The following TBC1D14 variants were observed in gnomAD, a reference collection of about 807,000 sequenced individuals.
The protein encoded by TBC1D14 is TBC1 domain family, member 14.
In TBC1D14, 26 loss-of-function variants were observed where a neutral mutation model predicts 79.0. That is an observed-to-expected ratio of 0.33 (90% CI 0.24 to 0.46). The LOEUF (loss-of-function observed/expected upper bound fraction) is 0.46, where lower values mean the gene tolerates loss of function less well. Ranked by LOEUF, TBC1D14 falls within the 20% of genes least tolerant of loss-of-function variation. The pLI is 1.00. For synonymous variants in TBC1D14, 394 were observed against 349.9 expected (o/e 1.13, Z -1.40); for missense variants, 769 against 887.6 (o/e 0.87, Z 1.70).
intron 2 of TBC1D14, among the ~76,000 whole-genome samples, chr4:6,951,477 G>T (rs1477468731): frequency 6.6e-6 from 1 of 152,146 alleles, no homozygotes; most frequent in Non-Finnish European, 1.5e-5. Flanking sequence ...TCCAGCCTGG[G>T]CAACATAGTG....
chr4:6,999,297 C>A, intron 6 of TBC1D14, 95 bp downstream of exon 6: 1 of 1,079,240 alleles, frequency 9.3e-7, no homozygotes, highest in Non-Finnish European at 1.4e-6. Context: ...CAGTGACACC[C>A]TGGATGCAGC....
At chr4:6,927,219 G>T (rs1448351613) in intron 2 of TBC1D14, among the ~76,000 whole-genome samples, 2 of 152,132 alleles carry the variant, frequency 1.3e-5, no homozygotes, top group East Asian at 3.9e-4. Context: ...CCCTTATGGC[G>T]CTCATAGTCT....
At chr4:6,992,841 GT>G (rs530846636) in intron 3 of TBC1D14, among the ~76,000 whole-genome samples, 65 of 152,328 alleles carry the variant, frequency 4.3e-4, no homozygotes, top group Admixed American at 1.7e-3. Flanking sequence ...CGTGTTTTCA[GT>G]TTTTGGTAAG....
intron 1 of TBC1D14, among the ~76,000 whole-genome samples, chr4:6,915,012 C>G (rs2108899285): frequency 6.6e-6 from 1 of 152,274 alleles, no homozygotes; most frequent in East Asian, 1.9e-4. Context: ...GCACTCCAGC[C>G]TGGGCGACAG....
At chr4:6,927,025 G>T (rs1004427448) in intron 2 of TBC1D14, among the ~76,000 whole-genome samples, 1 of 152,194 alleles carries the variant, frequency 6.6e-6, no homozygotes. Flanking sequence ...GGAGGGAAGG[G>T]TGGAGACGGG....
intron 8 of TBC1D14, among the ~76,000 whole-genome samples, chr4:7,006,231 C>T (rs1304209210): frequency 6.6e-6 from 1 of 152,002 alleles, no homozygotes; most frequent in East Asian, 1.9e-4. Flanking sequence ...GTTTCTACAT[C>T]TAGTGAGTTT....
intron 12 of TBC1D14, among the ~76,000 whole-genome samples, chr4:7,019,069 CT>C (rs1407492430): frequency 3.3e-5 from 5 of 152,214 alleles, no homozygotes; most frequent in South Asian, 4.1e-4. Flanking sequence ...TTCACCCAGG[CT>C]TGAGTGCAGT....
intron 3 of TBC1D14, chr4:6,987,223 C>T (rs1024803635): frequency 1.6e-6 from 2 of 1,245,358 alleles, no homozygotes; most frequent in Admixed American, 4.3e-5. Context: ...CGCCCCGCCC[C>T]GCGAGTCTGA....
intron 2 of TBC1D14, among the ~76,000 whole-genome samples, chr4:6,931,308 A>T (rs1451632188): frequency 6.6e-6 from 1 of 152,200 alleles, no homozygotes; most frequent in Non-Finnish European, 1.5e-5. Context: ...TTACCTCTCG[A>T]TTGCAGAATG....
chr4:7,028,422 G>GT (rs1262965872), intron 13 of TBC1D14, among the ~76,000 whole-genome samples: 5 of 150,174 alleles, frequency 3.3e-5, no homozygotes, highest in Non-Finnish European at 5.9e-5. Context: ...CGTGCTGTCA[G>GT]TTTTTTGTTT....
At chr4:6,928,858 A>G (rs10937765) in intron 2 of TBC1D14, among the ~76,000 whole-genome samples, 144,890 of 152,244 alleles carry the variant, frequency 0.95, 69,354 homozygotes, top group Middle Eastern at 1. Flanking sequence ...AATGGGGAGG[A>G]AATGTACATA....
chr4:6,927,804 C>T (rs943291157), intron 2 of TBC1D14, among the ~76,000 whole-genome samples: 1 of 152,184 alleles, frequency 6.6e-6, no homozygotes, highest in African/African-American at 2.4e-5. Flanking sequence ...ACAGAATCAC[C>T]CAGCCTTTGA....
chr4:6,918,136 T>G (rs1304388307), intron 1 of TBC1D14, among the ~76,000 whole-genome samples: 2 of 152,200 alleles, frequency 1.3e-5, no homozygotes, highest in East Asian at 3.9e-4. Flanking sequence ...AAGGTTTTCT[T>G]TCTCTACTTA....
intron 2 of TBC1D14, among the ~76,000 whole-genome samples, chr4:6,948,158 C>CT (rs1300728895): frequency 6.6e-6 from 1 of 152,148 alleles, no homozygotes; most frequent in Non-Finnish European, 1.5e-5. Flanking sequence ...GCCTGCAGAA[C>CT]TTAAGTACAT....
At chr4:6,961,331 G>A (rs1715169834) in intron 2 of TBC1D14, among the ~76,000 whole-genome samples, 1 of 152,092 alleles carries the variant, frequency 6.6e-6, no homozygotes, top group African/African-American at 2.4e-5. Context: ...ATCCTGATGG[G>A]GCCAGCACCT....
chr4:6,923,794 T>G lies in TBC1D14; in HGVS notation c.405T>G (p.Tyr135Ter). 1 of 1,614,170 alleles carries G rather than the reference T, an allele frequency of 6.2e-7. No homozygotes were observed. Residue 135 changes from tyrosine (Y) to a stop codon, truncating the protein, a stop_gained, in exon 2 of 14, where the codon TAT becomes TAG. Transcript: ENST00000409757. LOFTEE classifies it high-confidence loss of function. ...RKSSTFPRTG[Y>*]DSVKLYSPTS... ...CCTCCACGTTTCCCAGGACAGGCTA[T>G]GACTCGGTAAAGCTCTATAGCCCGA...
At position 6,979,393 on chromosome 4, in the gene TBC1D14, G is replaced by A. The variant is rs1717150299; in HGVS notation, c.843+11969G>A. On this transcript the variant is annotated intron_variant, in intron 3 of 13. Transcript: ENST00000409757. ...TGTAATCCCAGCACTTTGGGAGGCC[G>A]AGGCAGACGATTACTTGAAGCCAGG... Among the ~76,000 whole-genome samples the A allele has an allele frequency of 2.6e-5, 4 of 152,132 alleles. No homozygotes were observed. In the South Asian group the frequency reaches 6.2e-4, roughly 24 times the overall value.
At chr4:6,961,208 A>C (rs1039846617) in intron 2 of TBC1D14, among the ~76,000 whole-genome samples, 2 of 68,452 alleles carry the variant, frequency 2.9e-5, no homozygotes, top group Non-Finnish European at 7.3e-5. Context: ...TCTCTGGCTT[A>C]CAGGTAGGCT....
Position 6,981,794 on chromosome 4 carries a change from C to G in TBC1D14, c.844-12390C>G, listed in dbSNP as rs140579011. 3.2e-3 allele frequency among the ~76,000 whole-genome samples: 493 copies of G among 152,294 alleles called. 1 individual carries two copies. The highest frequency in any genetic ancestry group is 0.011 in the African/African-American group (464 of 41,546). Reference sequence around the variant, plus strand: ...CACACGATCCTATCAGTTGGTGCAGCAAAAGCATTTGATAGAATTCAGTGT... The same window carrying G: ...CACACGATCCTATCAGTTGGTGCAGGAAAAGCATTTGATAGAATTCAGTGT... On this transcript the variant is annotated intron_variant, in intron 3 of 13. Coordinates refer to ENST00000409757, the MANE Select transcript of TBC1D14 (RefSeq NM_020773.3).
Sources: allele counts gnomAD v4.1 joint callset (sites outside exome capture counted in the v4.1 genomes callset), GRCh38; gene constraint gnomAD v4.1.1; transcripts MANE v1.5; gene names NCBI Gene and HGNC (gene_info 2026-07-23, HGNC 2026-07-21).